SLC6A4: variants seen among roughly 807,000 people sequenced by gnomAD.
SLC6A4 encodes solute carrier family 6 member 4, also known as sodium-dependent serotonin transporter.
A neutral mutation model predicts 73.4 loss-of-function variants in SLC6A4; 22 were observed. The ratio of observed to expected loss-of-function variants is 0.30; its 90% CI spans 0.21 to 0.43. The LOEUF is 0.43. SLC6A4 is among the 20% of genes least tolerant of loss of function. The pLI, the probability that SLC6A4 is intolerant of heterozygous loss-of-function variation, is 1.00. For synonymous variants in SLC6A4, 270 were observed against 315.5 expected (o/e 0.86, Z 1.53); for missense variants, 593 against 808.5 (o/e 0.73, Z 3.23).
chr17:30,198,450 AGT>A lies in SLC6A4; in HGVS notation c.*4_*5del, dbSNP rs779116037. On this transcript the variant is annotated 3_prime_UTR_variant, in exon 15 of 15. Coordinates refer to ENST00000650711, the MANE Select transcript of SLC6A4 (RefSeq NM_001045.6). Reference sequence around the variant, plus strand: ...TGGAGAAGCCTTTTTCCTCTCGGTGAGTGTGTTACACAGCATTCAAGCGGATG... The same window carrying A: ...TGGAGAAGCCTTTTTCCTCTCGGTGAGTGTTACACAGCATTCAAGCGGATG... 1.2e-5 allele frequency: 19 copies of A among 1,568,866 alleles called. No homozygotes were observed. The East Asian group carries it at 4.1e-4, about 34-fold the overall frequency.
In SLC6A4 at chr17:30,211,297, T is replaced by C; in HGVS notation, c.1317+15A>G. 3 of 1,518,684 alleles carry C rather than the reference T, an allele frequency of 2.0e-6. No homozygotes were observed. Among genetic ancestry groups the C allele is most frequent in the Non-Finnish European group, 2.7e-6 (3 of 1,094,510 alleles). 94.1% of individuals were successfully genotyped at this position (1,518,684 alleles called of 1,614,324 possible). On this transcript the variant is annotated intron_variant, in intron 10 of 14. Coordinates refer to ENST00000650711, the MANE Select transcript of SLC6A4 (RefSeq NM_001045.6). The surrounding 1 kb of genome is among the most constrained non-coding windows in gnomAD (Gnocchi z 4.0). ...TCATCCTCCCACAGCCCATTTCCCC[T>C]TCCCATTTCCTCACCGTGCTGTCCA... is the stretch of plus-strand genomic sequence containing the variant.
At chr17:30,214,896 G>A (rs1282059702) in intron 8 of SLC6A4, among the ~76,000 whole-genome samples, 3 of 152,028 alleles carry the variant, frequency 2.0e-5, no homozygotes, top group Admixed American at 1.3e-4. Context: ...GCCTCCCAAA[G>A]TGTTGAGATT....
At chr17:30,218,964 C>A (rs762458482) in intron 3 of SLC6A4, 33 bp from the exon 4 acceptor site, 2 of 1,612,502 alleles carry the variant, frequency 1.2e-6, no homozygotes, top group South Asian at 2.2e-5. Flanking sequence ...TCACTCCCTG[C>A]CCACGTCTGT....
At chr17:30,233,065 C>G (rs1482298980) in intron 1 of SLC6A4, among the ~76,000 whole-genome samples, 1 of 152,146 alleles carries the variant, frequency 6.6e-6, no homozygotes, top group Non-Finnish European at 1.5e-5. Flanking sequence ...GTTTTCTTCC[C>G]TTGGAATGTC....
chr17:30,207,470 C>T (rs562587789), intron 13 of SLC6A4, among the ~76,000 whole-genome samples: 1 of 152,268 alleles, frequency 6.6e-6, no homozygotes, highest in East Asian at 1.9e-4. Flanking sequence ...TCACTGCAAC[C>T]TCCGCCTCCT....
At chr17:30,230,382 T>C (rs2143016540) in intron 1 of SLC6A4, among the ~76,000 whole-genome samples, 1 of 152,342 alleles carries the variant, frequency 6.6e-6, no homozygotes, top group African/African-American at 2.4e-5. Context: ...ACTGTTGTGA[T>C]AAATACAATT....
chr17:30,226,492 G>A (rs952663067), intron 1 of SLC6A4, among the ~76,000 whole-genome samples: 5 of 152,214 alleles, frequency 3.3e-5, no homozygotes, highest in African/African-American at 1.2e-4. Context: ...CTGAGGTCAG[G>A]AGTTTGAGAC....
At chr17:30,204,957 C>T (rs182056304) in intron 13 of SLC6A4, among the ~76,000 whole-genome samples, 172 of 152,280 alleles carry the variant, frequency 1.1e-3, no homozygotes, top group African/African-American at 4.0e-3. Flanking sequence ...CGAACAGCCC[C>T]AAGCCCCAGG....
Position 30,211,263 on chromosome 17 carries a change from C to T in SLC6A4, c.1317+49G>A, listed in dbSNP as rs771196693. The T allele has an allele frequency of 3.9e-6, 5 of 1,266,216 alleles. No individual in the cohort carries two copies. The East Asian group carries it at 1.2e-4, about 29-fold the overall frequency. The allele number at this position is 1,266,216 out of a possible 1,614,324, so 78.4% of individuals were successfully genotyped here. ...AATTGAGTCCAGCTGAGTCCTCCTC[C>T]TTTCCTCTTCATCCTCCCACAGCCC... On this transcript the variant is annotated intron_variant, in intron 10 of 14. Coordinates refer to ENST00000650711, the MANE Select transcript of SLC6A4 (RefSeq NM_001045.6). This position sits in a 1 kb window ranked among gnomAD's most constrained non-coding sequence, Gnocchi z 4.0.
chr17:30,196,725 T>TG lies in SLC6A4; in HGVS notation c.*1730dup, dbSNP rs2143012798. On this transcript the variant is annotated 3_prime_UTR_variant, in exon 15 of 15. Transcript: ENST00000650711. ...AGGAAGAAGGAAAGAGTGAAGATAA[T>TG]GGAGTTAGGTCAGTGAGGGATATTT... 1 of 152,430 alleles carries TG rather than the reference T, an allele frequency of 6.6e-6. No individual in the cohort carries two copies. The highest frequency in any genetic ancestry group is 2.1e-4 in the South Asian group (1 of 4,830). The allele number at this position is 152,430 out of a possible 1,614,324, so 9.4% of individuals were successfully genotyped here.
chr17:30,211,512 T>TA lies in SLC6A4; in HGVS notation c.1205-89dup. On this transcript the variant is annotated intron_variant, in intron 9 of 14. Coordinates refer to ENST00000650711, the MANE Select transcript of SLC6A4 (RefSeq NM_001045.6). The surrounding 1 kb of genome is among the most constrained non-coding windows in gnomAD (Gnocchi z 4.0). ...AGGAAAACTCAGCCACAACAACAGTTACAATTCTCATCACAAGACCTTATG... is the reference window on the plus strand; with the variant it reads ...AGGAAAACTCAGCCACAACAACAGTTAACAATTCTCATCACAAGACCTTATG... 1 of 827,946 alleles carries TA rather than the reference T, an allele frequency of 1.2e-6. No individual in the cohort carries two copies. Among genetic ancestry groups the TA allele is most frequent in the South Asian group, 1.4e-5 (1 of 70,782 alleles). 51.3% of individuals were successfully genotyped at this position (827,946 alleles called of 1,614,324 possible). A position where few individuals can be genotyped will look rare whatever the true frequency, so the allele number is the denominator to read the frequency against.
At chr17:30,206,598 C>T (rs912446616) in intron 13 of SLC6A4, 1 of 152,124 alleles carries the variant, frequency 6.6e-6, no homozygotes, top group African/African-American at 2.4e-5. Context: ...ATCCAGGGCC[C>T]CCATGAAGAG....
At chr17:30,209,026 C>T in intron 12 of SLC6A4, 117 bp downstream of exon 12, 4 of 670,562 alleles carry the variant, frequency 6.0e-6, no homozygotes, top group Non-Finnish European at 7.9e-6. Context: ...GACCCATCAT[C>T]GGGAGGTCAC....
intron 13 of SLC6A4, among the ~76,000 whole-genome samples, chr17:30,207,183 A>G (rs1378683302): frequency 1.3e-5 from 2 of 152,146 alleles, no homozygotes; most frequent in Non-Finnish European, 2.9e-5. Flanking sequence ...AGACTACTCC[A>G]TGGTGTTAGG....
Position 30,212,027 on chromosome 17 carries a change from G to A in SLC6A4, c.1205-603C>T, listed in dbSNP as rs9915959. On this transcript the variant is annotated intron_variant, in intron 9 of 14. Coordinates refer to ENST00000650711, the MANE Select transcript of SLC6A4 (RefSeq NM_001045.6). ...AAGATACAAGCATGCTAACATGCTT[G>A]TAACAAGAAGGCCCTGGGACCTCGC... is the stretch of plus-strand genomic sequence containing the variant. Among the ~76,000 whole-genome samples the A allele has an allele frequency of 3.9e-3, 589 of 152,230 alleles. 6 individuals are homozygous for A. The highest frequency in any genetic ancestry group is 0.013 in the African/African-American group (560 of 41,530).
At chr17:30,204,877 C>T (rs1268663099) in intron 13 of SLC6A4, among the ~76,000 whole-genome samples, 1 of 152,028 alleles carries the variant, frequency 6.6e-6, no homozygotes, top group Admixed American at 6.6e-5. Flanking sequence ...CGTGGGTTTT[C>T]CTGGGCAAAG....
intron 13 of SLC6A4, chr17:30,204,363 G>A (rs756815740): frequency 5.9e-5 from 9 of 151,888 alleles, no homozygotes; most frequent in African/African-American, 9.7e-5. Flanking sequence ...TCTTCTGAGC[G>A]GTGCTATCTT....
chr17:30,230,114 G>A (rs1346270059), intron 1 of SLC6A4, among the ~76,000 whole-genome samples: 8 of 141,556 alleles, frequency 5.7e-5, no homozygotes, highest in Admixed American at 6.8e-5. Flanking sequence ...AGAGGAAGAG[G>A]AAGAGGAAGA....
At chr17:30,220,971 C>CTTTTTTTTT (rs776589435) in intron 3 of SLC6A4, among the ~76,000 whole-genome samples, 1 of 113,634 alleles carries the variant, frequency 8.8e-6, no homozygotes, top group Non-Finnish European at 1.7e-5. Flanking sequence ...GGAGATTTGA[C>CTTTTTTTTT]TTTTTTTTTT....
Sources: allele counts gnomAD v4.1 joint callset (sites outside exome capture counted in the v4.1 genomes callset), GRCh38; gene constraint gnomAD v4.1.1; non-coding constraint Gnocchi (gnomAD v3.1); transcripts MANE v1.5; gene names NCBI Gene and HGNC (gene_info 2026-07-23, HGNC 2026-07-21).